SUGCT: variants seen among roughly 807,000 people sequenced by gnomAD.
SUGCT encodes succinyl-CoA:glutarate CoA-transferase.
SUGCT carries 41 observed loss-of-function variants against 55.0 expected under a neutral mutation model. That is an observed-to-expected ratio of 0.74 (90% CI 0.58 to 0.97). The LOEUF (loss-of-function observed/expected upper bound fraction) is 0.97. Among genes scored for constraint, SUGCT ranks in the 50% least tolerant of loss-of-function variants. SUGCT has a pLI of 0.00. For missense variants in SUGCT, 568 were observed against 547.8 expected, an observed-to-expected ratio of 1.04 and a Z score of -0.37; for synonymous variants, 187 against 200.4, an observed-to-expected ratio of 0.93 and a Z score of 0.56.
At chr7:40,752,271 A>G (rs1024962176) in intron 13 of SUGCT, among the ~76,000 whole-genome samples, 10 of 152,198 alleles carry the variant, frequency 6.6e-5, no homozygotes, top group African/African-American at 2.4e-4. Context: ...TGGGGCAAGC[A>G]GAAACCACAG....
At position 40,635,367 on chromosome 7, in the gene SUGCT, A is replaced by G. The variant is rs187469002; in HGVS notation, c.1090-114067A>G. Reference sequence around the variant, plus strand: ...TTACATAAAATATTGCAGAAAGAAAAAGTTGGATATACTATGAAAGAGAAG... The same window carrying G: ...TTACATAAAATATTGCAGAAAGAAAGAGTTGGATATACTATGAAAGAGAAG... On this transcript the variant is annotated intron_variant, in intron 12 of 13. Transcript: ENST00000335693. Among the ~76,000 whole-genome samples the G allele has an allele frequency of 1.6e-3, 242 of 152,322 alleles. 1 individual carries two copies. The highest frequency in any genetic ancestry group is 5.6e-3 in the African/African-American group (234 of 41,582).
chr7:40,396,815 T>C (rs1409216763), intron 9 of SUGCT, among the ~76,000 whole-genome samples: 1 of 152,194 alleles, frequency 6.6e-6, no homozygotes, highest in Non-Finnish European at 1.5e-5. Context: ...CTCCCTCTTT[T>C]GTAAAATACA....
At chr7:40,420,880 CT>C (rs1787273836) in intron 9 of SUGCT, among the ~76,000 whole-genome samples, 1 of 152,106 alleles carries the variant, frequency 6.6e-6, no homozygotes, top group Non-Finnish European at 1.5e-5. Context: ...TTGATAAGGT[CT>C]CTTCTCTGTT....
At chr7:40,760,212 A>G (rs1483446546) in intron 13 of SUGCT, among the ~76,000 whole-genome samples, 1 of 152,186 alleles carries the variant, frequency 6.6e-6, no homozygotes, top group Non-Finnish European at 1.5e-5. Context: ...TTTATTTCAA[A>G]GTTACAGCCT....
intron 12 of SUGCT, among the ~76,000 whole-genome samples, chr7:40,709,959 A>G (rs776336569): frequency 2.6e-5 from 4 of 152,234 alleles, no homozygotes; most frequent in Non-Finnish European, 5.9e-5. Flanking sequence ...TGGTTATAGC[A>G]TACTGAAGAT....
the SUGCT span, among the ~76,000 whole-genome samples, chr7:40,948,433 CATGATGATGATG>C: frequency 0.33 from 49,843 of 148,986 alleles, 8,929 homozygotes; most frequent in Admixed American, 0.45. Context: ...CCCTGAAAAA[CATGATGATGATG>C]ATGATGATGA....
chr7:40,219,502 A>G (rs1349079655), intron 6 of SUGCT, among the ~76,000 whole-genome samples: 2 of 152,168 alleles, frequency 1.3e-5, no homozygotes, highest in South Asian at 4.1e-4. Flanking sequence ...CACTTTTCCA[A>G]ATGAAGGGGG....
At chr7:40,924,681 C>T in the SUGCT span, among the ~76,000 whole-genome samples, 20 of 152,086 alleles carry the variant, frequency 1.3e-4, no homozygotes, top group Non-Finnish European at 8.8e-5. Context: ...TTACAAGACA[C>T]TCTTAAACAT....
intron 12 of SUGCT, among the ~76,000 whole-genome samples, chr7:40,620,404 T>C (rs1799209281): frequency 6.6e-6 from 1 of 152,162 alleles, no homozygotes; most frequent in African/African-American, 2.4e-5. Flanking sequence ...TTTTTCAATT[T>C]GGATCACTTT....
intron 12 of SUGCT, among the ~76,000 whole-genome samples, chr7:40,502,345 G>A (rs758316811): frequency 7.2e-5 from 11 of 151,902 alleles, no homozygotes; most frequent in Non-Finnish European, 1.3e-4. Flanking sequence ...ATACTATTTG[G>A]GGGCATTTTG....
chr7:40,837,575 A>G (rs908594815), intron 13 of SUGCT, among the ~76,000 whole-genome samples: 1 of 151,760 alleles, frequency 6.6e-6, no homozygotes, highest in African/African-American at 2.4e-5. Flanking sequence ...GACCATTTTG[A>G]GTTATTTTAT....
At chr7:40,359,907 A>G (rs1359099843) in intron 9 of SUGCT, among the ~76,000 whole-genome samples, 17 of 152,366 alleles carry the variant, frequency 1.1e-4, no homozygotes. Context: ...TGCATAATAC[A>G]AGCTCATTAT....
chr7:40,670,169 CAA>C (rs34786531), intron 12 of SUGCT, among the ~76,000 whole-genome samples: 6,027 of 57,890 alleles, frequency 0.1, 56 homozygotes, highest in East Asian at 0.28. Context: ...GACTCCATCT[CAA>C]AAAAAAAAAA....
chr7:40,416,134 A>G (rs563363628), intron 9 of SUGCT, among the ~76,000 whole-genome samples: 2 of 152,036 alleles, frequency 1.3e-5, no homozygotes, highest in East Asian at 3.9e-4. Context: ...ATTATTTTGT[A>G]TTTAACAATA....
At chr7:40,835,500 G>T (rs1340895754) in intron 13 of SUGCT, among the ~76,000 whole-genome samples, 1 of 152,110 alleles carries the variant, frequency 6.6e-6, no homozygotes, top group East Asian at 1.9e-4. Flanking sequence ...TTCTGCTAGT[G>T]CTCTCCTTCT....
intron 3 of SUGCT, among the ~76,000 whole-genome samples, chr7:40,185,007 T>C (rs1011101254): frequency 5.3e-5 from 8 of 152,186 alleles, no homozygotes; most frequent in African/African-American, 1.9e-4. Context: ...ATGGGGAATA[T>C]TGTATATTAG....
At chr7:40,204,304 A>AT (rs1226033647) in intron 6 of SUGCT, among the ~76,000 whole-genome samples, 8,887 of 135,562 alleles carry the variant, frequency 0.066, 821 homozygotes, top group African/African-American at 0.21. Context: ...CTACTTGGGA[A>AT]TTTTTTTTTT....
chr7:40,580,466 A>G (rs536039180), intron 12 of SUGCT, among the ~76,000 whole-genome samples: 44 of 152,310 alleles, frequency 2.9e-4, no homozygotes, highest in African/African-American at 9.4e-4. Flanking sequence ...ACCTAGCTGT[A>G]TTGTCTTTTG....
intron 12 of SUGCT, among the ~76,000 whole-genome samples, chr7:40,632,349 C>G (rs1455318248): frequency 6.6e-6 from 1 of 151,790 alleles, no homozygotes; most frequent in Non-Finnish European, 1.5e-5. Flanking sequence ...TAGTAAATGC[C>G]AAACCTGCTT....
Sources: gnomAD v4.1 joint callset for allele counts (sites outside exome capture counted in the v4.1 genomes callset) on GRCh38, gnomAD v4.1.1 for gene constraint, MANE v1.5 for transcripts, NCBI Gene and HGNC (gene_info 2026-07-23, HGNC 2026-07-21) for gene names.